Variants in PPP3CA observed in about 807,000 individuals in gnomAD.
PPP3CA encodes protein phosphatase 3 catalytic subunit alpha.
Under a neutral mutation model 66.5 loss-of-function variants are expected in PPP3CA, and 14 were observed. The observed-to-expected ratio is 0.21, with a 90% CI of 0.14 to 0.33. The LOEUF is 0.33. Among genes scored for constraint, PPP3CA ranks in the 10% least tolerant of loss-of-function variants. PPP3CA has a pLI of 1.00. For missense variants in PPP3CA, 317 were observed against 639.5 expected, an observed-to-expected ratio of 0.50 and a Z score of 5.44; for synonymous variants, 232 against 226.2, an observed-to-expected ratio of 1.03 and a Z score of -0.23.
intron 2 of PPP3CA, among the ~76,000 whole-genome samples, chr4:101,139,876 G>A (rs994442558): frequency 2.6e-5 from 4 of 151,826 alleles, no homozygotes; most frequent in African/African-American, 4.8e-5. Flanking sequence ...GAAAAGATAT[G>A]CTAGAGTAAA....
At chr4:101,342,826 C>A (rs1351042868) in intron 1 of PPP3CA, among the ~76,000 whole-genome samples, 2 of 152,122 alleles carry the variant, frequency 1.3e-5, no homozygotes, top group African/African-American at 4.8e-5. Context: ...ACAGTTACTA[C>A]GAATGTGACA....
intron 8 of PPP3CA, among the ~76,000 whole-genome samples, chr4:101,077,951 A>C (rs1304521496): frequency 6.6e-6 from 1 of 152,126 alleles, no homozygotes; most frequent in East Asian, 1.9e-4. Flanking sequence ...ATTATGAAGA[A>C]TTGAAAGAGT....
chr4:101,215,709 C>T (rs1725431594), intron 1 of PPP3CA, among the ~76,000 whole-genome samples: 2 of 152,038 alleles, frequency 1.3e-5, no homozygotes, highest in East Asian at 3.9e-4. Context: ...CAGTTGTTTT[C>T]ATCATGTAAG....
At chr4:101,288,973 G>A (rs1727931936) in intron 1 of PPP3CA, among the ~76,000 whole-genome samples, 1 of 151,944 alleles carries the variant, frequency 6.6e-6, no homozygotes. Flanking sequence ...CTGAAAGTGA[G>A]GGTCATCAGC....
intron 9 of PPP3CA, among the ~76,000 whole-genome samples, chr4:101,062,122 C>A (rs1230746939): frequency 6.6e-6 from 1 of 151,874 alleles, no homozygotes; most frequent in Non-Finnish European, 1.5e-5. Flanking sequence ...ATAGAAACAA[C>A]CCAAATAAAG....
intron 2 of PPP3CA, among the ~76,000 whole-genome samples, chr4:101,171,951 A>G (rs1391315162): frequency 4.6e-5 from 7 of 152,212 alleles, no homozygotes; most frequent in Admixed American, 3.9e-4. Context: ...AAATATTTGT[A>G]GACTGACTGA....
chr4:101,140,785 C>T (rs1722782939), intron 2 of PPP3CA, among the ~76,000 whole-genome samples: 1 of 152,132 alleles, frequency 6.6e-6, no homozygotes, highest in African/African-American at 2.4e-5. Flanking sequence ...TATGTGTACA[C>T]AGTAACAGAA....
intron 1 of PPP3CA, among the ~76,000 whole-genome samples, chr4:101,338,366 T>G (rs1025082154): frequency 6.6e-6 from 1 of 152,234 alleles, no homozygotes; most frequent in Non-Finnish European, 1.5e-5. Flanking sequence ...CAGACATTTG[T>G]GTACTGATCA....
chr4:101,146,447 CT>C (rs906744174), intron 2 of PPP3CA, among the ~76,000 whole-genome samples: 524 of 144,630 alleles, frequency 3.6e-3, no homozygotes, highest in Non-Finnish European at 3.3e-3. Flanking sequence ...GAAAGAACCA[CT>C]TTTTTTTTTT....
intron 12 of PPP3CA, among the ~76,000 whole-genome samples, chr4:101,031,356 T>C (rs1252507706): frequency 6.6e-6 from 1 of 152,160 alleles, no homozygotes; most frequent in Non-Finnish European, 1.5e-5. Context: ...TCATTTTAAT[T>C]TTTTTCTGTT....
chr4:101,144,804 A>C (rs1216486987), intron 2 of PPP3CA, among the ~76,000 whole-genome samples: 9 of 152,306 alleles, frequency 5.9e-5, no homozygotes, highest in Middle Eastern at 3.4e-3. Flanking sequence ...GTTCATGGTA[A>C]AGAAAACCTA....
chr4:101,194,583 T>C (rs1724725085), intron 2 of PPP3CA, among the ~76,000 whole-genome samples: 1 of 152,160 alleles, frequency 6.6e-6, no homozygotes, highest in Non-Finnish European at 1.5e-5. Context: ...TTTTCTTTTT[T>C]TGAGATGGAG....
intron 5 of PPP3CA, among the ~76,000 whole-genome samples, chr4:101,094,305 T>A (rs561872212): frequency 1.3e-5 from 2 of 152,346 alleles, no homozygotes; most frequent in Non-Finnish European, 2.9e-5. Context: ...TACCCCTGTT[T>A]CATTTATTGA....
At position 101,347,244 on chromosome 4, in the gene PPP3CA, A is replaced by G; in HGVS notation, c.-448T>C. 5 of 203,984 alleles carry G rather than the reference A, an allele frequency of 2.5e-5. No homozygotes were observed. Among genetic ancestry groups the G allele is most frequent in the Non-Finnish European group, 3.0e-5 (3 of 101,652 alleles). The allele number at this position is 203,984 out of a possible 1,614,324, so 12.6% of individuals were successfully genotyped here. On this transcript the variant is annotated 5_prime_UTR_variant, in exon 1 of 14. Coordinates refer to ENST00000394854, the MANE Select transcript of PPP3CA (RefSeq NM_000944.5). ...GATCACATGGGGAAGGCCGGGGGCG[A>G]GGGAGGAGAGGCAGGGCCGCCGATG...
chr4:101,307,738 C>T (rs532389568), intron 1 of PPP3CA, among the ~76,000 whole-genome samples: 8 of 152,276 alleles, frequency 5.3e-5, no homozygotes, highest in Non-Finnish European at 1.2e-4. Context: ...CACTTGGTGC[C>T]TAGTATGTGA....
chr4:101,110,159 T>C (rs919247716), intron 2 of PPP3CA, among the ~76,000 whole-genome samples: 2 of 152,206 alleles, frequency 1.3e-5, no homozygotes, highest in East Asian at 1.9e-4. Context: ...GTGAACATGA[T>C]GTGGCTGCTT....
At chr4:101,037,615 T>C (rs1317415959) in intron 11 of PPP3CA, among the ~76,000 whole-genome samples, 2 of 152,140 alleles carry the variant, frequency 1.3e-5, no homozygotes, top group Admixed American at 6.6e-5. Context: ...TTATTTTATA[T>C]TTATTCACTT....
At position 101,333,277 on chromosome 4, in the gene PPP3CA, T is replaced by G. The variant is rs1006562500; in HGVS notation, c.58+13462A>C. On this transcript the variant is annotated intron_variant, in intron 1 of 13. Transcript: ENST00000394854. ...CATGCACTACCATGCCCAGTTTTTT[T>G]TTTTTTTTTTTTTTTTTTTTTTTTT... 1.9e-4 allele frequency among the ~76,000 whole-genome samples: 7 copies of G among 36,266 alleles called. No homozygotes were observed. The South Asian group carries it at 4.3e-3, about 23-fold the overall frequency. The allele number at this position is 36,266 out of a possible 152,430, so 23.8% of individuals were successfully genotyped here.
At chr4:101,072,258 G>C (rs1728948567) in intron 8 of PPP3CA, among the ~76,000 whole-genome samples, 1 of 152,160 alleles carries the variant, frequency 6.6e-6, no homozygotes, top group African/African-American at 2.4e-5. Context: ...CATTTCAAAA[G>C]CTTTCTTTTC....
Sources: allele counts gnomAD v4.1 joint callset (sites outside exome capture counted in the v4.1 genomes callset), GRCh38; gene constraint gnomAD v4.1.1; transcripts MANE v1.5; gene names NCBI Gene and HGNC (gene_info 2026-07-23, HGNC 2026-07-21).